The following LHFPL4 variants were observed in gnomAD, a reference collection of about 807,000 sequenced individuals.
LHFPL4 encodes LHFPL tetraspan subfamily member 4.
A neutral mutation model predicts 20.0 loss-of-function variants in LHFPL4; 6 were observed. The observed-to-expected ratio is 0.30, with a 90% CI of 0.16 to 0.59. The LOEUF (loss-of-function observed/expected upper bound fraction) is 0.59. LHFPL4 is among the 20% of genes least tolerant of loss of function. The pLI, the probability that LHFPL4 is intolerant of heterozygous loss-of-function variation, is 0.88. For missense variants in LHFPL4, 215 were observed against 331.2 expected (o/e 0.65, Z 2.72); for synonymous variants, 129 against 143.8 (o/e 0.90, Z 0.74).
intron 2 of LHFPL4, among the ~76,000 whole-genome samples, chr3:9,522,682 G>T (rs1400761254): frequency 6.6e-6 from 1 of 151,180 alleles, no homozygotes; most frequent in Non-Finnish European, 1.5e-5. Context: ...GGTGGAGGCT[G>T]CAGTGAGCCG....
At chr3:9,521,241 T>TC (rs2046335511) in intron 2 of LHFPL4, among the ~76,000 whole-genome samples, 1 of 149,856 alleles carries the variant, frequency 6.7e-6, no homozygotes, top group Admixed American at 6.7e-5. Context: ...TCTTTTTTTT[T>TC]TTTTTGACAG....
chr3:9,545,424 A>G (rs758353126), intron 2 of LHFPL4, among the ~76,000 whole-genome samples: 16 of 152,158 alleles, frequency 1.1e-4, no homozygotes, highest in Non-Finnish European at 1.6e-4. Context: ...CAGGCCGGTA[A>G]TTCCAGCACT....
At chr3:9,529,838 G>C (rs141461473) in intron 2 of LHFPL4, among the ~76,000 whole-genome samples, 72 of 151,706 alleles carry the variant, frequency 4.7e-4, no homozygotes, top group African/African-American at 1.7e-3. Context: ...TCACCATCTT[G>C]GCCATGCTGG....
rs192831780 is a variant in LHFPL4 at position 9,532,754 on chromosome 3, T to C, written c.406+19520A>G. 1.7e-3 allele frequency among the ~76,000 whole-genome samples: 262 copies of C among 152,328 alleles called. 1 individual carries two copies. The highest frequency in any genetic ancestry group is 8.9e-3 in the South Asian group (43 of 4,828). On this transcript the variant is annotated intron_variant, in intron 2 of 3. Coordinates refer to ENST00000287585, the MANE Select transcript of LHFPL4 (RefSeq NM_198560.3). Reference sequence around the variant, plus strand: ...GACTCAACACAGCTGCCACCTGTTATAGGGGATCAGGCTGGGTGTGCTCAG... The same window carrying C: ...GACTCAACACAGCTGCCACCTGTTACAGGGGATCAGGCTGGGTGTGCTCAG...
At chr3:9,516,537 G>A (rs544505065) in intron 2 of LHFPL4, among the ~76,000 whole-genome samples, 117 of 151,558 alleles carry the variant, frequency 7.7e-4, no homozygotes, top group Non-Finnish European at 5.2e-4. Flanking sequence ...ACAGTGGCAC[G>A]ATCTAGGCTC....
intron 2 of LHFPL4, among the ~76,000 whole-genome samples, chr3:9,512,994 A>T (rs1214344362): frequency 9.2e-5 from 14 of 152,120 alleles, no homozygotes; most frequent in Non-Finnish European, 1.6e-4. Flanking sequence ...AGTCTCACTC[A>T]GTCGCCCAGG....
chr3:9,545,833 C>T (rs1326792989), intron 2 of LHFPL4, among the ~76,000 whole-genome samples: 4 of 152,048 alleles, frequency 2.6e-5, no homozygotes, highest in Non-Finnish European at 5.9e-5. Flanking sequence ...TTCTTAAGCC[C>T]GGGAGCCCAG....
At chr3:9,521,712 T>G (rs1225020493) in intron 2 of LHFPL4, among the ~76,000 whole-genome samples, 1 of 151,838 alleles carries the variant, frequency 6.6e-6, no homozygotes, top group Non-Finnish European at 1.5e-5. Context: ...CTCCACTTTT[T>G]TTTTTATTAG....
rs1046238524 is a variant in LHFPL4, at chr3:9,498,706, G to A, written c.*3505C>T. 6.6e-6 allele frequency: 1 copy of A among 152,666 alleles called. No homozygotes were observed. The highest frequency in any genetic ancestry group is 2.4e-5 in the African/African-American group (1 of 41,444). 9.5% of individuals were successfully genotyped at this position (152,666 alleles called of 1,614,324 possible). A position where few individuals can be genotyped will look rare whatever the true frequency, so the allele number is the denominator to read the frequency against. ...ACATCCCAGCTTCTCCAAAGACAGG[G>A]TTTCCCTTTCTCTTTCTCAGTTCAC... is the stretch of plus-strand genomic sequence containing the variant. On this transcript the variant is annotated 3_prime_UTR_variant, in exon 4 of 4. Coordinates refer to ENST00000287585, the MANE Select transcript of LHFPL4 (RefSeq NM_198560.3).
chr3:9,537,342 G>A (rs2046450059), intron 2 of LHFPL4, among the ~76,000 whole-genome samples: 1 of 152,108 alleles, frequency 6.6e-6, no homozygotes. Flanking sequence ...GACCTTGAGG[G>A]GCTCACAGTT....
rs573261323 is a variant in LHFPL4 at position 9,529,175 on chromosome 3, C to T, written c.407-22972G>A. Among the ~76,000 whole-genome samples the T allele has an allele frequency of 3.9e-5, 6 of 151,954 alleles. No homozygotes were observed. The East Asian group carries it at 5.8e-4, about 15-fold the overall frequency. Reference sequence around the variant, plus strand: ...TCCCAAGTAGCTGGGACTACAGGTGCGTGCCACCACACCCAGCTAATTTTT... The same window carrying T: ...TCCCAAGTAGCTGGGACTACAGGTGTGTGCCACCACACCCAGCTAATTTTT... On this transcript the variant is annotated intron_variant, in intron 2 of 3. Coordinates refer to ENST00000287585, the MANE Select transcript of LHFPL4 (RefSeq NM_198560.3).
chr3:9,521,083 CTGT>C (rs2046334452), intron 2 of LHFPL4, among the ~76,000 whole-genome samples: 1 of 152,052 alleles, frequency 6.6e-6, no homozygotes. Context: ...TTTTGATGCT[CTGT>C]TGTTAGGCAC....
intron 2 of LHFPL4, among the ~76,000 whole-genome samples, chr3:9,509,435 A>T (rs1199888209): frequency 1.1e-4 from 16 of 151,938 alleles, no homozygotes; most frequent in Non-Finnish European, 2.4e-4. Context: ...CTCTCACTTC[A>T]TAGATCCCAC....
chr3:9,539,242 TC>T (rs1442739033), intron 2 of LHFPL4, among the ~76,000 whole-genome samples: 3 of 151,660 alleles, frequency 2.0e-5, no homozygotes, highest in Admixed American at 6.6e-5. Flanking sequence ...TCACTTGAGG[TC>T]AGGAATTCCA....
chr3:9,539,502 C>A (rs1048795257), intron 2 of LHFPL4, among the ~76,000 whole-genome samples: 6 of 150,704 alleles, frequency 4.0e-5, no homozygotes, highest in Admixed American at 6.6e-5. Flanking sequence ...CCTCCTGATA[C>A]CTCCAATCCA....
intron 2 of LHFPL4, among the ~76,000 whole-genome samples, chr3:9,523,993 C>T (rs117636511): frequency 2.1e-5 from 3 of 142,232 alleles, no homozygotes; most frequent in Non-Finnish European, 4.6e-5. Context: ...TCCCCCCCCC[C>T]CAACACTTTA....
At chr3:9,534,206 G>C (rs916821039) in intron 2 of LHFPL4, among the ~76,000 whole-genome samples, 2 of 149,692 alleles carry the variant, frequency 1.3e-5, no homozygotes, top group African/African-American at 4.9e-5. Context: ...GACAGAGCAA[G>C]ACCTTTTCTT....
chr3:9,503,275 T>C (rs1199804979), intron 3 of LHFPL4, among the ~76,000 whole-genome samples: 1 of 152,082 alleles, frequency 6.6e-6, no homozygotes, highest in East Asian at 1.9e-4. Flanking sequence ...GTTAGGGGGC[T>C]TTGGGAAGGG....
chr3:9,539,957 T>C (rs557412056), intron 2 of LHFPL4, among the ~76,000 whole-genome samples: 16 of 152,260 alleles, frequency 1.1e-4, no homozygotes, highest in Admixed American at 7.8e-4. Flanking sequence ...ACACACTCAG[T>C]TAACAAGGAC....
Sources: gnomAD v4.1 joint callset for allele counts (sites outside exome capture counted in the v4.1 genomes callset) on GRCh38, gnomAD v4.1.1 for gene constraint, MANE v1.5 for transcripts, NCBI Gene and HGNC (gene_info 2026-07-23, HGNC 2026-07-21) for gene names.